Variants in RANBP2 observed in about 807,000 individuals in gnomAD.
The protein encoded by RANBP2 is E3 SUMO-protein ligase RanBP2.
A neutral mutation model predicts 303.6 loss-of-function variants in RANBP2; 57 were observed. The observed-to-expected ratio is 0.19, with a 90% confidence interval of 0.15 to 0.23. RANBP2 has a LOEUF of 0.23. RANBP2 is among the 10% of genes least tolerant of loss of function. The probability of loss-of-function intolerance (pLI) is 1.00; values close to 1 mark genes in which losing one functional copy is unlikely to be tolerated. For synonymous variants in RANBP2, 1,167 were observed against 1,301.5 expected (o/e 0.90, Z 2.23); for missense variants, 3,138 against 3,780.8 (o/e 0.83, Z 4.46).
At chr2:109,396,886 T>G in the RANBP2 span, among the ~76,000 whole-genome samples, 2 of 152,256 alleles carry the variant, frequency 1.3e-5, no homozygotes. Context: ...CTGCTGTGGT[T>G]CCCACCTTCG....
the RANBP2 span, among the ~76,000 whole-genome samples, chr2:108,975,353 G>C: frequency 6.6e-6 from 1 of 152,242 alleles, no homozygotes; most frequent in African/African-American, 2.4e-5. Flanking sequence ...GAGGCTGGGG[G>C]CAAGGGAGCT....
chr2:108,747,197 G>T (rs4012076), intron 8 of RANBP2, among the ~76,000 whole-genome samples: 1 of 152,280 alleles, frequency 6.6e-6, no homozygotes, highest in East Asian at 1.9e-4. Context: ...GAGAGCGTAG[G>T]GAGGAAGATA....
the RANBP2 span, among the ~76,000 whole-genome samples, chr2:109,307,554 C>G: frequency 7.1e-6 from 1 of 140,914 alleles, no homozygotes; most frequent in East Asian, 2.1e-4. Flanking sequence ...GGTATATCTC[C>G]CAATGCTATC....
chr2:109,153,528 T>C, the RANBP2 span, among the ~76,000 whole-genome samples: 1 of 152,200 alleles, frequency 6.6e-6, no homozygotes. Flanking sequence ...AAGCATGGGC[T>C]CGGCTCAGTG....
chr2:109,446,922 C>G, the RANBP2 span, among the ~76,000 whole-genome samples: 1 of 151,902 alleles, frequency 6.6e-6, no homozygotes, highest in East Asian at 1.9e-4. Context: ...GCTGTCACCC[C>G]CCTTCCAGGG....
At chr2:109,510,846 G>A in the RANBP2 span, among the ~76,000 whole-genome samples, 2 of 152,242 alleles carry the variant, frequency 1.3e-5, no homozygotes, top group Non-Finnish European at 2.9e-5. Context: ...AAGCGGCAGA[G>A]AGCAAAGGTG....
At chr2:109,515,582 C>A in the RANBP2 span, among the ~76,000 whole-genome samples, 34 of 152,280 alleles carry the variant, frequency 2.2e-4, no homozygotes, top group African/African-American at 7.2e-4. Context: ...GCCAGATCTC[C>A]AGCACCCCAA....
the RANBP2 span, among the ~76,000 whole-genome samples, chr2:108,933,479 C>G: frequency 6.6e-6 from 1 of 152,240 alleles, no homozygotes; most frequent in Admixed American, 6.5e-5. Flanking sequence ...AGCAGTGGTC[C>G]TGGGTCTTTC....
At chr2:109,411,368 C>T in the RANBP2 span, among the ~76,000 whole-genome samples, 1 of 152,230 alleles carries the variant, frequency 6.6e-6, no homozygotes, top group African/African-American at 2.4e-5. Context: ...AGTGGCTGCT[C>T]ATCTCTGCCC....
chr2:109,341,115 G>A, the RANBP2 span, among the ~76,000 whole-genome samples: 1 of 152,180 alleles, frequency 6.6e-6, no homozygotes, highest in Non-Finnish European at 1.5e-5. Context: ...TTGGATGAAT[G>A]AGTGTGCAAA....
chr2:109,059,514 T>C, the RANBP2 span, among the ~76,000 whole-genome samples: 1 of 151,414 alleles, frequency 6.6e-6, no homozygotes, highest in Non-Finnish European at 1.5e-5. Context: ...AGGCAGAGCT[T>C]GCACTGAGCT....
the RANBP2 span, among the ~76,000 whole-genome samples, chr2:109,696,765 C>T: frequency 6.6e-6 from 1 of 152,038 alleles, no homozygotes; most frequent in Non-Finnish European, 1.5e-5. Context: ...GAACATGGTA[C>T]ACCTCTCCAT....
the RANBP2 span, among the ~76,000 whole-genome samples, chr2:109,231,938 C>T: frequency 6.6e-6 from 1 of 152,192 alleles, no homozygotes; most frequent in Non-Finnish European, 1.5e-5. Flanking sequence ...AGTATATTCA[C>T]AGAGTTGTGT....
chr2:108,916,669 G>A, the RANBP2 span, among the ~76,000 whole-genome samples: 2 of 152,200 alleles, frequency 1.3e-5, no homozygotes, highest in Non-Finnish European at 2.9e-5. Flanking sequence ...CTGAGTTGGT[G>A]AGAGAAATGC....
the RANBP2 span, among the ~76,000 whole-genome samples, chr2:108,975,716 G>A: frequency 6.6e-6 from 1 of 152,148 alleles, no homozygotes; most frequent in Admixed American, 6.5e-5. Flanking sequence ...GTGGTCGGAG[G>A]AAATGACATG....
the RANBP2 span, among the ~76,000 whole-genome samples, chr2:109,264,956 AG>A: frequency 6.6e-6 from 1 of 152,156 alleles, no homozygotes; most frequent in Non-Finnish European, 1.5e-5. Flanking sequence ...TGTGGGTGGC[AG>A]GGGGACTAGG....
At chr2:108,957,706 C>G in the RANBP2 span, among the ~76,000 whole-genome samples, 5 of 152,348 alleles carry the variant, frequency 3.3e-5, no homozygotes, top group East Asian at 9.7e-4. Context: ...CCGGGCCTAC[C>G]AGGCGAGGCT....
chr2:109,506,431 C>T, the RANBP2 span, among the ~76,000 whole-genome samples: 1 of 152,232 alleles, frequency 6.6e-6, no homozygotes, highest in Non-Finnish European at 1.5e-5. Flanking sequence ...GACATTTGAT[C>T]TTAGAGAGGC....
the RANBP2 span, among the ~76,000 whole-genome samples, chr2:109,416,075 G>A: frequency 6.6e-6 from 1 of 152,200 alleles, no homozygotes; most frequent in Non-Finnish European, 1.5e-5. Context: ...TGGCCATGCA[G>A]CATCGCACTT....
Sources: gnomAD v4.1 joint callset for allele counts (sites outside exome capture counted in the v4.1 genomes callset) on GRCh38, gnomAD v4.1.1 for gene constraint, MANE v1.5 for transcripts, NCBI Gene and HGNC (gene_info 2026-07-23, HGNC 2026-07-21) for gene names.